RAB38: variants seen among roughly 807,000 people sequenced by gnomAD.
RAB38 encodes RAB38, member RAS oncogene family.
In RAB38, 15 loss-of-function variants were observed where a neutral mutation model predicts 18.4. That is an observed-to-expected ratio of 0.82 (90% CI 0.55 to 1.26). RAB38 has a LOEUF of 1.26. RAB38 is among the 50% of genes most tolerant of loss of function. The pLI, the probability that RAB38 is intolerant of heterozygous loss-of-function variation, is 0.00. For missense variants in RAB38, 294 were observed against 267.4 expected (o/e 1.10, Z -0.69); for synonymous variants, 101 against 104.4 (o/e 0.97, Z 0.20).
the RAB38 span, among the ~76,000 whole-genome samples, chr11:87,881,967 C>T: frequency 6.6e-6 from 1 of 151,896 alleles, no homozygotes; most frequent in South Asian, 2.1e-4. Context: ...TCCTTTCCTG[C>T]CACAGTTATA....
the RAB38 span, among the ~76,000 whole-genome samples, chr11:88,027,423 G>C: frequency 6.6e-6 from 1 of 152,286 alleles, no homozygotes; most frequent in South Asian, 2.1e-4. Context: ...GTGAGGCATT[G>C]CCTCACCTGG....
At chr11:87,868,404 T>C in the RAB38 span, among the ~76,000 whole-genome samples, 2 of 151,706 alleles carry the variant, frequency 1.3e-5, no homozygotes, top group East Asian at 3.9e-4. Flanking sequence ...CTATGCTTCT[T>C]GTCAAGCCTG....
chr11:87,914,627 AAGGGTGC>A, the RAB38 span, among the ~76,000 whole-genome samples: 1 of 152,168 alleles, frequency 6.6e-6, no homozygotes, highest in Non-Finnish European at 1.5e-5. Context: ...AGAGGAATCC[AAGGGTGC>A]AGTCAAGTGA....
chr11:87,946,198 C>T, the RAB38 span, among the ~76,000 whole-genome samples: 4 of 152,100 alleles, frequency 2.6e-5, no homozygotes, highest in Non-Finnish European at 5.9e-5. Flanking sequence ...AGTGACCTGC[C>T]ACTTGAAGGC....
the RAB38 span, among the ~76,000 whole-genome samples, chr11:87,824,979 AG>A: frequency 1.7e-3 from 234 of 138,860 alleles, no homozygotes; most frequent in African/African-American, 6.5e-3. Flanking sequence ...CACTTTTGAA[AG>A]AGAGAGAGAG....
chr11:87,827,362 T>C, the RAB38 span, among the ~76,000 whole-genome samples: 3 of 151,942 alleles, frequency 2.0e-5, no homozygotes, highest in African/African-American at 7.2e-5. Flanking sequence ...TGATTCTCTC[T>C]CATTAGGAGC....
At chr11:87,865,752 TGA>T in the RAB38 span, among the ~76,000 whole-genome samples, 3 of 151,526 alleles carry the variant, frequency 2.0e-5, no homozygotes, top group African/African-American at 7.3e-5. Flanking sequence ...TGAGAAATTG[TGA>T]GAGTCCGCAG....
chr11:87,901,002 T>C, the RAB38 span, among the ~76,000 whole-genome samples: 20 of 151,772 alleles, frequency 1.3e-4, no homozygotes, highest in African/African-American at 4.8e-4. Flanking sequence ...TCTCATTCCA[T>C]TTTTAACTCC....
chr11:88,044,074 C>G, the RAB38 span, among the ~76,000 whole-genome samples: 1 of 152,156 alleles, frequency 6.6e-6, no homozygotes, highest in African/African-American at 2.4e-5. Context: ...CTTTCCTTTT[C>G]GGGTAGAGAC....
chr11:88,170,557 C>G (rs1336461415), intron 1 of RAB38, among the ~76,000 whole-genome samples: 1 of 152,176 alleles, frequency 6.6e-6, no homozygotes, highest in Non-Finnish European at 1.5e-5. Flanking sequence ...GTCAGAGTTG[C>G]TGGTGTGAAG....
intron 1 of RAB38, among the ~76,000 whole-genome samples, chr11:88,153,894 G>C (rs895079480): frequency 1.3e-5 from 2 of 152,180 alleles, no homozygotes; most frequent in East Asian, 3.8e-4. Flanking sequence ...AGTGCATAAA[G>C]ACCAATTGTG....
At chr11:87,875,340 G>A in the RAB38 span, among the ~76,000 whole-genome samples, 1 of 151,030 alleles carries the variant, frequency 6.6e-6, no homozygotes, top group African/African-American at 2.4e-5. Flanking sequence ...TATAAGTAAA[G>A]GTGAGAAAAA....
At chr11:87,898,633 T>C in the RAB38 span, among the ~76,000 whole-genome samples, 7 of 151,692 alleles carry the variant, frequency 4.6e-5, no homozygotes, top group Non-Finnish European at 8.9e-5. Flanking sequence ...TACAACATTG[T>C]GCATTATTTC....
At chr11:87,920,503 C>G in the RAB38 span, among the ~76,000 whole-genome samples, 133 of 152,100 alleles carry the variant, frequency 8.7e-4, no homozygotes, top group African/African-American at 3.0e-3. Flanking sequence ...AGGAAAGATA[C>G]TTGATATGAT....
chr11:88,025,026 T>A, the RAB38 span, among the ~76,000 whole-genome samples: 554 of 152,242 alleles, frequency 3.6e-3, 5 homozygotes, highest in African/African-American at 0.013. Flanking sequence ...ATAAATGGAT[T>A]GTTTATAACA....
chr11:87,864,985 CTT>C, the RAB38 span, among the ~76,000 whole-genome samples: 1 of 151,750 alleles, frequency 6.6e-6, no homozygotes, highest in East Asian at 1.9e-4. Flanking sequence ...GGACCATTCT[CTT>C]GTCATCTACG....
intron 1 of RAB38, among the ~76,000 whole-genome samples, chr11:88,152,250 G>C (rs1316608577): frequency 1.3e-5 from 2 of 152,120 alleles, no homozygotes; most frequent in Non-Finnish European, 2.9e-5. Context: ...GAAGAGCAAA[G>C]TCATGGGTTA....
chr11:87,930,070 G>C, the RAB38 span, among the ~76,000 whole-genome samples: 2 of 152,192 alleles, frequency 1.3e-5, no homozygotes, highest in South Asian at 4.2e-4. Context: ...AATCCTTTGG[G>C]TATATACCCA....
At chr11:87,944,923 A>G in the RAB38 span, among the ~76,000 whole-genome samples, 4 of 152,100 alleles carry the variant, frequency 2.6e-5, no homozygotes, top group Admixed American at 2.0e-4. Flanking sequence ...ACTCACTTCT[A>G]AATAATGTTA....
Sources: gnomAD v4.1 joint callset for allele counts (sites outside exome capture counted in the v4.1 genomes callset) on GRCh38, gnomAD v4.1.1 for gene constraint, MANE v1.5 for transcripts, NCBI Gene and HGNC (gene_info 2026-07-23, HGNC 2026-07-21) for gene names.